Variants in PPARGC1A observed in about 807,000 individuals in gnomAD.
PPARGC1A encodes peroxisome proliferator-activated receptor gamma coactivator 1-alpha.
In PPARGC1A, 25 loss-of-function variants were observed where a neutral mutation model predicts 88.7. The observed-to-expected ratio is 0.28, with a 90% CI of 0.21 to 0.39. The LOEUF is 0.39. Ranked by LOEUF, PPARGC1A falls within the 10% of genes least tolerant of loss-of-function variation. The pLI, the probability that PPARGC1A is intolerant of heterozygous loss-of-function variation, is 1.00. For missense variants in PPARGC1A, 880 were observed against 968.7 expected, an observed-to-expected ratio of 0.91 and a Z score of 1.22; for synonymous variants, 363 against 355.6, an observed-to-expected ratio of 1.02 and a Z score of -0.24.
At chr4:24,026,890 G>A in the PPARGC1A span, among the ~76,000 whole-genome samples, 6 of 152,262 alleles carry the variant, frequency 3.9e-5, no homozygotes, top group South Asian at 2.1e-4. Flanking sequence ...AGCTGATAAC[G>A]TGCCTTAAAT....
At chr4:23,800,351 C>A (rs1718441691) in intron 12 of PPARGC1A, among the ~76,000 whole-genome samples, 1 of 151,890 alleles carries the variant, frequency 6.6e-6, no homozygotes, top group Non-Finnish European at 1.5e-5. Flanking sequence ...TGGGGAATGA[C>A]ATGCAAAGGA....
At chr4:24,310,489 G>C in the PPARGC1A span, among the ~76,000 whole-genome samples, 2 of 152,172 alleles carry the variant, frequency 1.3e-5, no homozygotes, top group African/African-American at 4.8e-5. Flanking sequence ...TAAGAAGAGA[G>C]AGAGAAAAAA....
At chr4:24,359,517 G>T in the PPARGC1A span, among the ~76,000 whole-genome samples, 1 of 152,184 alleles carries the variant, frequency 6.6e-6, no homozygotes, top group East Asian at 1.9e-4. Context: ...CACTGGTGTA[G>T]ATTGAACTGT....
chr4:23,913,267 T>TATAGAG, the PPARGC1A span, among the ~76,000 whole-genome samples: 1 of 77,506 alleles, frequency 1.3e-5, no homozygotes, highest in African/African-American at 5.6e-5. Context: ...TATATATATA[T>TATAGAG]AGAGAGAGAG....
chr4:24,283,261 C>T, the PPARGC1A span, among the ~76,000 whole-genome samples: 60 of 152,096 alleles, frequency 3.9e-4, no homozygotes, highest in African/African-American at 1.4e-3. Context: ...ATGTCGACCT[C>T]CCACTGGGTT....
At chr4:24,013,096 C>T in the PPARGC1A span, among the ~76,000 whole-genome samples, 1 of 152,262 alleles carries the variant, frequency 6.6e-6, no homozygotes, top group South Asian at 2.1e-4. Context: ...TTGTGTTTAG[C>T]ACCTACTACG....
chr4:23,970,782 C>G, the PPARGC1A span, among the ~76,000 whole-genome samples: 1 of 152,162 alleles, frequency 6.6e-6, no homozygotes, highest in Admixed American at 6.5e-5. Flanking sequence ...AGGTCGGTAT[C>G]TATTCTGAGG....
chr4:24,222,198 G>A, the PPARGC1A span, among the ~76,000 whole-genome samples: 1 of 152,242 alleles, frequency 6.6e-6, no homozygotes, highest in African/African-American at 2.4e-5. Context: ...TAGAGGCAGA[G>A]TGAAGCTCAT....
At chr4:24,291,499 C>T in the PPARGC1A span, among the ~76,000 whole-genome samples, 1 of 152,202 alleles carries the variant, frequency 6.6e-6, no homozygotes, top group Non-Finnish European at 1.5e-5. Flanking sequence ...CACTGAGTAG[C>T]ACACACAGTC....
chr4:23,988,636 T>TAGAG, the PPARGC1A span, among the ~76,000 whole-genome samples: 3 of 14,584 alleles, frequency 2.1e-4, no homozygotes, highest in African/African-American at 1.1e-3. Flanking sequence ...GAAATTTATA[T>TAGAG]ACAGAGATAG....
At chr4:24,143,390 T>C in the PPARGC1A span, among the ~76,000 whole-genome samples, 32 of 152,016 alleles carry the variant, frequency 2.1e-4, no homozygotes, top group Non-Finnish European at 3.1e-4. Flanking sequence ...AATCAAGCAA[T>C]AGCTGAAATC....
At chr4:23,907,084 G>A (rs1040268645), upstream of PPARGC1A, among the ~76,000 whole-genome samples, 1 of 152,102 alleles carries the variant, frequency 6.6e-6, no homozygotes, top group Non-Finnish European at 1.5e-5. Flanking sequence ...AAAACCAGAA[G>A]AGACTGCCTC....
chr4:23,878,450 G>C (rs747398328), intron 2 of PPARGC1A, among the ~76,000 whole-genome samples: 1 of 151,830 alleles, frequency 6.6e-6, no homozygotes, highest in Non-Finnish European at 1.5e-5. Context: ...AGATGGTCAC[G>C]TAACCTGCAT....
the PPARGC1A span, among the ~76,000 whole-genome samples, chr4:24,422,869 A>G: frequency 1.3e-5 from 2 of 152,218 alleles, no homozygotes; most frequent in African/African-American, 4.8e-5. Context: ...CCCACTAGTT[A>G]AGCATCCTTA....
At chr4:23,810,844 T>C (rs1720767210) in intron 10 of PPARGC1A, among the ~76,000 whole-genome samples, 1 of 152,354 alleles carries the variant, frequency 6.6e-6, no homozygotes, top group East Asian at 1.9e-4. Context: ...TAATGTGCCA[T>C]ATTAAAAGGC....
Position 23,868,831 on chromosome 4 carries a change from T to C in PPARGC1A, c.234+15921A>G, listed in dbSNP as rs116210389. On this transcript the variant is annotated intron_variant, in intron 2 of 12. Transcript: ENST00000264867. Reference sequence around the variant, plus strand: ...ATTGTGACAATACCGTTTATGGAAATGGTGTCTATGGAAAGTTTCCTTTCA... The same window carrying C: ...ATTGTGACAATACCGTTTATGGAAACGGTGTCTATGGAAAGTTTCCTTTCA... Among the ~76,000 whole-genome samples, 605 of 152,334 alleles carry C rather than the reference T, an allele frequency of 4.0e-3. 4 individuals carry two copies. Among genetic ancestry groups the C allele is most frequent in the African/African-American group, 0.014 (565 of 41,582 alleles).
At chr4:24,277,771 C>T in the PPARGC1A span, among the ~76,000 whole-genome samples, 1 of 151,954 alleles carries the variant, frequency 6.6e-6, no homozygotes, top group South Asian at 2.1e-4. Flanking sequence ...GACAGAGTAC[C>T]AAATGGGGGT....
At chr4:24,448,434 C>G in the PPARGC1A span, among the ~76,000 whole-genome samples, 1 of 152,210 alleles carries the variant, frequency 6.6e-6, no homozygotes, top group African/African-American at 2.4e-5. Flanking sequence ...GTTCTTGTTA[C>G]AGCCCATCTT....
chr4:24,193,807 C>T, the PPARGC1A span, among the ~76,000 whole-genome samples: 2 of 152,080 alleles, frequency 1.3e-5, no homozygotes, highest in Admixed American at 1.3e-4. Flanking sequence ...AGCACAGTGC[C>T]TCCTACAGAG....
Sources: allele counts gnomAD v4.1 joint callset (sites outside exome capture counted in the v4.1 genomes callset), GRCh38; gene constraint gnomAD v4.1.1; transcripts MANE v1.5; gene names NCBI Gene and HGNC (gene_info 2026-07-23, HGNC 2026-07-21).